Variants in PIGL observed in about 807,000 individuals in gnomAD.
The protein encoded by PIGL is N-acetylglucosaminyl-phosphatidylinositol de-N-acetylase.
Under a neutral mutation model 31.1 loss-of-function variants are expected in PIGL, and 22 were observed. That is an observed-to-expected ratio of 0.71 (90% CI 0.51 to 1.01). The LOEUF (loss-of-function observed/expected upper bound fraction) is 1.01, where lower values mean the gene tolerates loss of function less well. Among genes scored for constraint, PIGL ranks in the 50% least tolerant of loss-of-function variants. The pLI is 0.00. For synonymous variants in PIGL, 131 were observed against 117.4 expected (o/e 1.12, Z -0.75); for missense variants, 302 against 315.9 (o/e 0.96, Z 0.33).
chr17:16,284,899 C>T (rs1235289634), intron 2 of PIGL, among the ~76,000 whole-genome samples: 15 of 152,172 alleles, frequency 9.9e-5, no homozygotes, highest in Admixed American at 9.8e-4. Context: ...ATTGCAATTC[C>T]CGTGTATTGA....
chr17:16,233,371 A>C (rs1364679302), intron 1 of PIGL, among the ~76,000 whole-genome samples: 4 of 152,156 alleles, frequency 2.6e-5, no homozygotes, highest in Non-Finnish European at 5.9e-5. Context: ...TGGGAAAATA[A>C]AGAATATATA....
intron 2 of PIGL, among the ~76,000 whole-genome samples, chr17:16,271,334 A>G (rs1054868729): frequency 1.3e-5 from 2 of 152,150 alleles, no homozygotes; most frequent in African/African-American, 4.8e-5. Flanking sequence ...CTCTTCATCA[A>G]ATAGGAGCCT....
chr17:16,320,021 C>A (rs56326304), intron 6 of PIGL, among the ~76,000 whole-genome samples: 2 of 150,248 alleles, frequency 1.3e-5, no homozygotes, highest in East Asian at 2.0e-4. Context: ...GATTGTGGCT[C>A]GTGCCTGTAG....
chr17:16,261,118 CA>C (rs34019457), intron 2 of PIGL, among the ~76,000 whole-genome samples: 59,529 of 118,786 alleles, frequency 0.5, 13,012 homozygotes, highest in Middle Eastern at 0.58. Context: ...GACTCTATCT[CA>C]AAAAAAAAAA....
intron 2 of PIGL, among the ~76,000 whole-genome samples, chr17:16,249,557 A>T (rs1438805366): frequency 6.6e-6 from 1 of 152,228 alleles, no homozygotes; most frequent in Non-Finnish European, 1.5e-5. Flanking sequence ...TTGGCCCGTG[A>T]TTATGGAGGC....
At chr17:16,229,009 A>T (rs2092666393) in intron 1 of PIGL, among the ~76,000 whole-genome samples, 1 of 152,126 alleles carries the variant, frequency 6.6e-6, no homozygotes, top group Admixed American at 6.6e-5. Context: ...AGTGGCTCAC[A>T]CCTGTAATCC....
At chr17:16,251,719 C>T (rs2092772773) in intron 2 of PIGL, among the ~76,000 whole-genome samples, 1 of 150,986 alleles carries the variant, frequency 6.6e-6, no homozygotes, top group Admixed American at 6.7e-5. Flanking sequence ...TTAACAGATA[C>T]CTATTCAGTA....
chr17:16,231,337 C>T (rs1600749674), intron 1 of PIGL, among the ~76,000 whole-genome samples: 1 of 150,692 alleles, frequency 6.6e-6, no homozygotes, highest in Non-Finnish European at 1.5e-5. Context: ...CAGGCTCAAG[C>T]GTTCCTCCCA....
chr17:16,311,259 CTTA>C (rs139292207), intron 3 of PIGL, among the ~76,000 whole-genome samples: 2,582 of 149,010 alleles, frequency 0.017, 60 homozygotes, highest in African/African-American at 0.056. Context: ...TTGAGTTAGC[CTTA>C]TTATTATTAT....
chr17:16,324,585 C>A (rs1056370568), intron 6 of PIGL, among the ~76,000 whole-genome samples: 10 of 152,234 alleles, frequency 6.6e-5, no homozygotes, highest in African/African-American at 2.4e-4. Context: ...TCTCGAACTC[C>A]CGACTTCAGG....
intron 2 of PIGL, among the ~76,000 whole-genome samples, chr17:16,246,832 C>T (rs947119017): frequency 6.6e-6 from 1 of 150,500 alleles, no homozygotes; most frequent in Non-Finnish European, 1.5e-5. Flanking sequence ...ACTACAGGCG[C>T]CCGCCACCGC....
intron 5 of PIGL, 91 bp from the exon 6 acceptor site, chr17:16,317,684 C>T: frequency 1.9e-6 from 3 of 1,586,180 alleles, no homozygotes; most frequent in South Asian, 2.3e-5. Flanking sequence ...CTGCCCTGCC[C>T]TGAGCCACAG....
At chr17:16,276,644 G>A (rs1299878873) in intron 2 of PIGL, among the ~76,000 whole-genome samples, 2 of 152,174 alleles carry the variant, frequency 1.3e-5, no homozygotes, top group African/African-American at 2.4e-5. Flanking sequence ...GGCTGAGGCA[G>A]GAGAATCACT....
intron 1 of PIGL, among the ~76,000 whole-genome samples, chr17:16,228,537 C>T (rs763251422): frequency 3.5e-4 from 53 of 152,154 alleles, no homozygotes; most frequent in Non-Finnish European, 5.1e-4. Context: ...TACAGGCTCC[C>T]GCCACCACGC....
intron 2 of PIGL, among the ~76,000 whole-genome samples, chr17:16,297,032 T>C (rs2092985613): frequency 6.6e-6 from 1 of 152,226 alleles, no homozygotes; most frequent in Admixed American, 6.5e-5. Flanking sequence ...TTTACAGTTC[T>C]TAAATGCTTT....
intron 1 of PIGL, among the ~76,000 whole-genome samples, chr17:16,229,023 C>G (rs7214301): frequency 0.023 from 3,557 of 152,220 alleles, 140 homozygotes; most frequent in African/African-American, 0.08. Flanking sequence ...GTAATCCCAG[C>G]ACTTTGGGAG....
chr17:16,262,285 GA>G (rs1212681043), intron 2 of PIGL, among the ~76,000 whole-genome samples: 1 of 152,180 alleles, frequency 6.6e-6, no homozygotes, highest in Non-Finnish European at 1.5e-5. Context: ...TTTCTCCAAA[GA>G]AGGTATCAAA....
At chr17:16,257,852 G>C (rs536754500) in intron 2 of PIGL, among the ~76,000 whole-genome samples, 32 of 151,928 alleles carry the variant, frequency 2.1e-4, no homozygotes, top group Non-Finnish European at 3.5e-4. Context: ...ATCACTTGAG[G>C]TCAGGAATTT....
intron 2 of PIGL, chr17:16,281,890 C>T: frequency 3.1e-6 from 1 of 323,066 alleles, no homozygotes; most frequent in Non-Finnish European, 6.9e-6. Context: ...TCCCATCTGA[C>T]ATGAAGCAGG....
Sources: allele counts gnomAD v4.1 joint callset (sites outside exome capture counted in the v4.1 genomes callset), GRCh38; gene constraint gnomAD v4.1.1; transcripts MANE v1.5; gene names NCBI Gene and HGNC (gene_info 2026-07-23, HGNC 2026-07-21).